The following MUC5AC variants were observed in gnomAD, a reference collection of about 807,000 sequenced individuals.
MUC5AC encodes the protein mucin 5AC, oligomeric mucus/gel-forming.
MUC5AC carries 158 observed loss-of-function variants against 169.7 expected under a neutral mutation model. The observed-to-expected ratio is 0.93, with a 90% CI of 0.82 to 1.06. The LOEUF (loss-of-function observed/expected upper bound fraction) is 1.06, where lower values mean the gene tolerates loss of function less well. Ranked by LOEUF, MUC5AC falls within the 50% of genes least tolerant of loss-of-function variation. The pLI, the probability that MUC5AC is intolerant of heterozygous loss-of-function variation, is 0.00. For missense variants in MUC5AC, 4,359 were observed against 3,089.9 expected, an observed-to-expected ratio of 1.41 and a Z score of -9.74; for synonymous variants, 1,975 against 1,237.0, an observed-to-expected ratio of 1.60 and a Z score of -12.52.
intron 14 of MUC5AC, 26 bp downstream of exon 14, chr11:1,168,805 G>C (rs773183395): frequency 6.3e-7 from 1 of 1,584,676 alleles, no homozygotes; most frequent in Non-Finnish European, 8.6e-7. Context: ...TCTGGGCTTG[G>C]AGCCCACCCA....
At chr11:1,158,454 C>A (rs996326264) in intron 1 of MUC5AC, among the ~76,000 whole-genome samples, 2 of 152,224 alleles carry the variant, frequency 1.3e-5, no homozygotes, top group African/African-American at 4.8e-5. Context: ...AGGCACCTGC[C>A]CTTGCACACC....
At chr11:1,179,676 A>G (rs1230097354) in intron 26 of MUC5AC, among the ~76,000 whole-genome samples, 1 of 148,762 alleles carries the variant, frequency 6.7e-6, no homozygotes, top group Non-Finnish European at 1.5e-5. Flanking sequence ...CAGAGGGTTC[A>G]GCAGAGCTGC....
chr11:1,164,293 A>G lies in MUC5AC; in HGVS notation c.977A>G (p.Gln326Arg). ...TGCACCCATGCAGGGGGGTTGCCCC[A>G]GGACTGGCGGGGCCCTGACTTCTGC... The part of the protein sequence containing the change: ...RQCTHAGGLP[Q>R]DWRGPDFCPQ... Residue 326 changes from glutamine (Q) to arginine (R), a missense_variant, in exon 8 of 49, where the codon CAG becomes CGG. Physicochemically the swap from Gln to Arg is conservative, Grantham distance 43 (BLOSUM62 1). Coordinates refer to ENST00000621226, the MANE Select transcript of MUC5AC (RefSeq NM_001304359.2). The G allele has an allele frequency of 6.2e-7, 1 of 1,612,446 alleles. No individual in the cohort carries two copies. The highest frequency in any genetic ancestry group is 8.5e-7 in the Non-Finnish European group (1 of 1,179,848).
At chr11:1,195,736 A>C in intron 36 of MUC5AC, 140 bp from the exon 37 acceptor site, 1 of 355,340 alleles carries the variant, frequency 2.8e-6, no homozygotes, top group Admixed American at 3.7e-5. Context: ...CCGTCCGGGG[A>C]TACAGGAGGG....
At position 1,193,065 on chromosome 11, in the gene MUC5AC, CAA is replaced by C. The variant is rs1287405798; in HGVS notation, c.14580+85_14580+86del. ...TGTCTTTGCAATTAGTCTTCAGCTG[CAA>C]AGTCTTGAGAAGGTCACTGGCGCTA... On this transcript the variant is annotated intron_variant, in intron 32 of 48. Coordinates refer to ENST00000621226, the MANE Select transcript of MUC5AC (RefSeq NM_001304359.2). 1.6e-5 allele frequency: 10 copies of C among 612,724 alleles called. No individual in the cohort carries two copies. In the African/African-American group the frequency reaches 1.8e-4, roughly 11 times the overall value. 38.0% of individuals were successfully genotyped at this position (612,724 alleles called of 1,614,324 possible). A position where few individuals can be genotyped will look rare whatever the true frequency, so the allele number is the denominator to read the frequency against.
rs1860872779 is a variant in MUC5AC, at chr11:1,184,060, G to C, written c.5915G>C (p.Gly1972Ala). Residue 1972 changes from glycine to alanine, a missense_variant, in exon 31 of 49, where the codon GGT becomes GCT. Gly to Ala is a moderately conservative substitution (Grantham distance 60). Coordinates refer to ENST00000621226, the MANE Select transcript of MUC5AC (RefSeq NM_001304359.2). ...AGCTACCCTGCTCCTGGAATAAATGGTGGAGATTTTGACACATTTCAAAAT... is the reference window on the plus strand; with the variant it reads ...AGCTACCCTGCTCCTGGAATAAATGCTGGAGATTTTGACACATTTCAAAAT... ...DGSYPAPGINGGDFDTFQNLR... is the reference protein window; with the variant it reads ...DGSYPAPGINAGDFDTFQNLR... 2.5e-6 allele frequency: 1 copy of C among 395,018 alleles called. No individual in the cohort carries two copies. The highest frequency in any genetic ancestry group is 4.4e-6 in the Non-Finnish European group (1 of 226,938). 24.5% of individuals were successfully genotyped at this position (395,018 alleles called of 1,614,324 possible). A position where few individuals can be genotyped will look rare whatever the true frequency, so the allele number is the denominator to read the frequency against.
chr11:1,165,585 G>A (rs752850461), intron 10 of MUC5AC, 37 bp from the exon 11 acceptor site: 1 of 1,608,896 alleles, frequency 6.2e-7, no homozygotes, highest in South Asian at 1.1e-5. Flanking sequence ...TGGTCTCCTG[G>A]GGCCGGCACC....
Position 1,186,999 on chromosome 11 carries a change from C to A in MUC5AC, c.8854C>A (p.Pro2952Thr). 1 of 740,820 alleles carries A rather than the reference C, an allele frequency of 1.3e-6. No individual in the cohort carries two copies. The highest frequency in any genetic ancestry group is 2.5e-5 in the East Asian group (1 of 40,176). The allele number at this position is 740,820 out of a possible 1,614,324, so 45.9% of individuals were successfully genotyped here. A position where few individuals can be genotyped will look rare whatever the true frequency, so the allele number is the denominator to read the frequency against. Residue 2952 changes from proline to threonine, a missense_variant, in exon 31 of 49, where the codon CCT becomes ACT. By Grantham distance (38) the Pro-to-Thr change is conservative. Transcript: ENST00000621226. The part of the protein sequence containing the change: ...SVPGTTPSPV[P>T]TTSTISVPTT... ...TCCTGGAACTACTCCCAGCCCTGTT[C>A]CTACCACCAGCACAATCTCTGTTCC...
At position 1,191,957 on chromosome 11, in the gene MUC5AC, T is replaced by G. The variant is rs1158149251; in HGVS notation, c.13812T>G (p.Val4604=). 2 of 765,088 alleles carry G rather than the reference T, an allele frequency of 2.6e-6. No individual in the cohort carries two copies. Among genetic ancestry groups the G allele is most frequent in the Non-Finnish European group, 4.8e-6 (2 of 417,918 alleles). 47.4% of individuals were successfully genotyped at this position (765,088 alleles called of 1,614,324 possible). A position where few individuals can be genotyped will look rare whatever the true frequency, so the allele number is the denominator to read the frequency against. Residue 4604 remains valine (V), a synonymous_variant, in exon 31 of 49, where the codon GTT becomes GTG. Transcript: ENST00000621226. ...SPVPTTSTTP[V]SKTSTSHLSV... The stretch of plus-strand genomic sequence containing the variant: ...TTCCCACCACCAGCACAACCCCTGT[T>G]TCAAAGACCAGCACAAGCCATCTTT...
rs1861028836 is a variant in MUC5AC at position 1,189,403 on chromosome 11, C to A, written c.11258C>A (p.Thr3753Asn). 3.5e-6 allele frequency: 2 copies of A among 577,356 alleles called. No homozygotes were observed. The highest frequency in any genetic ancestry group is 5.6e-5 in the East Asian group (2 of 35,978). The allele number at this position is 577,356 out of a possible 1,614,324, so 35.8% of individuals were successfully genotyped here. Residue 3753 changes from threonine to asparagine, a missense_variant, in exon 31 of 49, where the codon ACC becomes AAC. Coordinates refer to ENST00000621226, the MANE Select transcript of MUC5AC (RefSeq NM_001304359.2). ...ATCTCTGCCCCTACAACCAGCACAA[C>A]CTCTGCTCCCACAGCCAGCACAACG... is the stretch of plus-strand genomic sequence containing the variant. ...STISAPTTST[T>N]SAPTASTTSA...
chr11:1,165,725 A>G lies in MUC5AC; in HGVS notation c.1351A>G (p.Thr451Ala). 6.2e-7 allele frequency: 1 copy of G among 1,612,366 alleles called. No homozygotes were observed. ...CTCAACGTTTGACGGGAAGCAATAC[A>G]CGGTGCACGGCGACTGCAGCTATGT... The part of the protein sequence containing the change: ...HFSTFDGKQY[T>A]VHGDCSYVLT... The change falls in exon 11 of 49, where the codon ACG becomes GCG. Residue 451 changes from threonine (T) to alanine (A), a missense_variant. By Grantham distance (58) the Thr-to-Ala change is moderately conservative. Transcript: ENST00000621226.
rs1391350745 is a variant in MUC5AC, at chr11:1,197,013, G to T, written c.15861+105G>T. 23 of 681,600 alleles carry T rather than the reference G, an allele frequency of 3.4e-5. No homozygotes were observed. The Admixed American group carries it at 4.9e-4, about 14-fold the overall frequency. 42.2% of individuals were successfully genotyped at this position (681,600 alleles called of 1,614,324 possible). A position where few individuals can be genotyped will look rare whatever the true frequency, so the allele number is the denominator to read the frequency against. On this transcript the variant is annotated intron_variant, in intron 40 of 48. Coordinates refer to ENST00000621226, the MANE Select transcript of MUC5AC (RefSeq NM_001304359.2). The stretch of plus-strand genomic sequence containing the variant: ...AATGGTCAGGTGGGGCTCAGGGGTC[G>T]GGGTGTCCTCTCTGTGTCAGAGGCC...
chr11:1,159,234 C>T (rs908762667), intron 1 of MUC5AC, among the ~76,000 whole-genome samples: 4 of 152,140 alleles, frequency 2.6e-5, no homozygotes, highest in African/African-American at 9.7e-5. Flanking sequence ...CCTGAGGACC[C>T]CTATGCCAGT....
At position 1,200,740 on chromosome 11, in the gene MUC5AC, C is replaced by T. The variant is rs1861408333; in HGVS notation, c.*38C>T. The stretch of plus-strand genomic sequence containing the variant: ...CCCTCCTGACCTCCAAGGAGAACCT[C>T]CCATATGTCCTCTGAGCTCGGCTTC... On this transcript the variant is annotated 3_prime_UTR_variant, in exon 49 of 49. Coordinates refer to ENST00000621226, the MANE Select transcript of MUC5AC (RefSeq NM_001304359.2). 2 of 685,028 alleles carry T rather than the reference C, an allele frequency of 2.9e-6. No individual in the cohort carries two copies. The highest frequency in any genetic ancestry group is 5.3e-6 in the Non-Finnish European group (2 of 375,838). 42.4% of individuals were successfully genotyped at this position (685,028 alleles called of 1,614,324 possible).
At chr11:1,167,187 G>C (rs1227184569) in intron 11 of MUC5AC, among the ~76,000 whole-genome samples, 58 of 66,274 alleles carry the variant, frequency 8.8e-4, no homozygotes, top group East Asian at 2.0e-3. Flanking sequence ...CACAGTCTCT[G>C]CACGATGAGA....
At chr11:1,176,905 C>A (rs1860700577) in intron 21 of MUC5AC, 23 bp from the exon 22 acceptor site, 2 of 398,730 alleles carry the variant, frequency 5.0e-6, no homozygotes, top group Middle Eastern at 6.2e-4. Context: ...TGTGCTCTAG[C>A]CTGACCCCCA....
In MUC5AC at chr11:1,169,046, G is replaced by A. The variant is rs1452278157; in HGVS notation, c.1870+20G>A. ...AGAATGGTACGGGTGTCCACGGCTC[G>A]CCTCTGTGCTGGCCGCCTGGCGCTG... On this transcript the variant is annotated intron_variant, in intron 15 of 48. Coordinates refer to ENST00000621226, the MANE Select transcript of MUC5AC (RefSeq NM_001304359.2). The A allele has an allele frequency of 6.5e-6, 10 of 1,535,468 alleles. No homozygotes were observed. Among genetic ancestry groups the A allele is most frequent in the South Asian group, 3.8e-5 (3 of 79,900 alleles).
intron 16 of MUC5AC, among the ~76,000 whole-genome samples, chr11:1,172,978 CCACCCATTCACCCACTCACTCACCCGTT>C (rs1860583617): frequency 2.9e-5 from 4 of 137,238 alleles, no homozygotes; most frequent in African/African-American, 8.2e-5. Context: ...ATCCACTCAC[CCACCCATTCACCCACTCACTCACCCGTT>C]CACCCATTCG....
At position 1,160,596 on chromosome 11, in the gene MUC5AC, C is replaced by A; in HGVS notation, c.74-16C>A. 1 of 1,602,436 alleles carries A rather than the reference C, an allele frequency of 6.2e-7. No homozygotes were observed. Among genetic ancestry groups the A allele is most frequent in the Non-Finnish European group, 8.5e-7 (1 of 1,177,548 alleles). On this transcript the variant is annotated splice_polypyrimidine_tract_variant and intron_variant, in intron 1 of 48. Transcript: ENST00000621226. ...CCACCCTGCATCTGGGCTCAGCCCCCCTCCTCTTTCTGCAGGCCATGCCCA... is the reference window on the plus strand; with the variant it reads ...CCACCCTGCATCTGGGCTCAGCCCCACTCCTCTTTCTGCAGGCCATGCCCA...
Sources: gnomAD v4.1 joint callset for allele counts (sites outside exome capture counted in the v4.1 genomes callset) on GRCh38, gnomAD v4.1.1 for gene constraint, MANE v1.5 for transcripts, NCBI Gene and HGNC (gene_info 2026-07-23, HGNC 2026-07-21) for gene names.